Variants in SHANK2 observed in about 807,000 individuals in gnomAD.
SHANK2 encodes the protein SH3 and multiple ankyrin repeat domains 2.
A neutral mutation model predicts 133.7 loss-of-function variants in SHANK2; 43 were observed. That is an observed-to-expected ratio of 0.32 (90% CI 0.25 to 0.41). The LOEUF is 0.41. Among genes scored for constraint, SHANK2 ranks in the 10% least tolerant of loss-of-function variants. SHANK2 has a pLI of 1.00. For missense variants in SHANK2, 1,994 were observed against 2,235.8 expected (o/e 0.89, Z 2.18); for synonymous variants, 1,017 against 952.8 (o/e 1.07, Z -1.24).
At chr11:70,764,918 C>T (rs2135005797) in intron 14 of SHANK2, among the ~76,000 whole-genome samples, 1 of 152,358 alleles carries the variant, frequency 6.6e-6, no homozygotes, top group Non-Finnish European at 1.5e-5. Context: ...AGGGCAGGCA[C>T]TGATGAATCA....
At chr11:70,767,884 T>C (rs1591826809) in intron 14 of SHANK2, among the ~76,000 whole-genome samples, 1 of 152,352 alleles carries the variant, frequency 6.6e-6, no homozygotes, top group South Asian at 2.1e-4. Context: ...AATGGTCTGC[T>C]GGGGCTCAGA....
intron 17 of SHANK2, chr11:70,654,006 C>T (rs2061372865): frequency 6.6e-6 from 1 of 152,204 alleles, no homozygotes; most frequent in African/African-American, 2.4e-5. Context: ...TAAATACAAA[C>T]CACGAGTATA....
chr11:70,785,325 G>A (rs574673448), intron 14 of SHANK2, among the ~76,000 whole-genome samples: 1 of 152,300 alleles, frequency 6.6e-6, no homozygotes, highest in South Asian at 2.1e-4. Flanking sequence ...TGACCCGAGG[G>A]GGAGGGGCCC....
At chr11:71,249,110 G>T (rs1948134392) in intron 1 of SHANK2, among the ~76,000 whole-genome samples, 1 of 152,128 alleles carries the variant, frequency 6.6e-6, no homozygotes, top group Admixed American at 6.5e-5. Flanking sequence ...AGTCACAAAG[G>T]TCACTTAGCC....
intron 2 of SHANK2, among the ~76,000 whole-genome samples, chr11:71,163,071 TA>T (rs1159852026): frequency 0.055 from 2,494 of 45,562 alleles, 53 homozygotes; most frequent in African/African-American, 0.07. Context: ...AGACTCTGTC[TA>T]AAAAAAAAAA....
At chr11:71,126,684 CA>C (rs1952194430) in intron 3 of SHANK2, among the ~76,000 whole-genome samples, 1 of 150,238 alleles carries the variant, frequency 6.7e-6, no homozygotes, top group African/African-American at 2.5e-5. Context: ...GAAATGTCAA[CA>C]TTAAGTTCGG....
chr11:70,847,867 G>A (rs1278110928), intron 11 of SHANK2, among the ~76,000 whole-genome samples: 1 of 152,242 alleles, frequency 6.6e-6, no homozygotes, highest in Admixed American at 6.5e-5. Context: ...GGGGGGCAGG[G>A]CTTGGAGACG....
intron 17 of SHANK2, among the ~76,000 whole-genome samples, chr11:70,507,117 T>C (rs2059146597): frequency 6.6e-6 from 1 of 152,238 alleles, no homozygotes; most frequent in Non-Finnish European, 1.5e-5. Context: ...CCCACTTGCA[T>C]GCGGCATCCT....
chr11:70,747,359 G>A (rs1173862943), intron 14 of SHANK2, among the ~76,000 whole-genome samples: 18 of 152,174 alleles, frequency 1.2e-4, no homozygotes, highest in African/African-American at 2.4e-4. Context: ...CTGGCTACCC[G>A]GAGAACACAG....
chr11:70,692,405 G>T (rs1251916393), intron 15 of SHANK2, among the ~76,000 whole-genome samples: 1 of 152,204 alleles, frequency 6.6e-6, no homozygotes, highest in Non-Finnish European at 1.5e-5. Context: ...AGAATGAGTT[G>T]GAAGCAGCTC....
intron 17 of SHANK2, among the ~76,000 whole-genome samples, chr11:70,639,424 G>A (rs1314972655): frequency 2.6e-5 from 4 of 152,088 alleles, no homozygotes; most frequent in Non-Finnish European, 5.9e-5. Flanking sequence ...GGGGCAAAGG[G>A]GCTCTCTGGG....
At chr11:70,573,206 C>T (rs1473974403) in intron 17 of SHANK2, among the ~76,000 whole-genome samples, 3 of 146,408 alleles carry the variant, frequency 2.0e-5, no homozygotes, top group Non-Finnish European at 3.0e-5. Context: ...TGTGACGGAG[C>T]TGGGCGGTCA....
intron 11 of SHANK2, among the ~76,000 whole-genome samples, chr11:70,890,449 G>A (rs1228395393): frequency 2.0e-5 from 3 of 151,096 alleles, no homozygotes; most frequent in African/African-American, 4.9e-5. Context: ...GATCAAACTG[G>A]CGAACATGGT....
At chr11:70,876,223 A>AAT (rs1268400782) in intron 11 of SHANK2, among the ~76,000 whole-genome samples, 2 of 26,700 alleles carry the variant, frequency 7.5e-5, no homozygotes, top group Middle Eastern at 0.019. Context: ...GTATATACAT[A>AAT]ATACACACAC....
chr11:70,700,678 T>A (rs1000414455), intron 14 of SHANK2, among the ~76,000 whole-genome samples: 1 of 152,094 alleles, frequency 6.6e-6, no homozygotes, highest in Non-Finnish European at 1.5e-5. Flanking sequence ...ATTCCAATCA[T>A]CATTTATGAA....
intron 10 of SHANK2, among the ~76,000 whole-genome samples, chr11:70,919,889 CAT>C (rs1428912652): frequency 5.9e-5 from 9 of 152,210 alleles, no homozygotes; most frequent in African/African-American, 1.9e-4. Flanking sequence ...CCTCCGGGCT[CAT>C]TCCATGGATG....
At chr11:70,531,369 TC>T (rs1554973184) in intron 17 of SHANK2, among the ~76,000 whole-genome samples, 1 of 152,128 alleles carries the variant, frequency 6.6e-6, no homozygotes, top group Admixed American at 6.5e-5. Context: ...TCTTGGAGGA[TC>T]AAATGCAAAT....
chr11:70,898,938 G>A (rs1203958503), intron 10 of SHANK2, among the ~76,000 whole-genome samples: 1 of 152,168 alleles, frequency 6.6e-6, no homozygotes, highest in Non-Finnish European at 1.5e-5. Flanking sequence ...GAAGACTATC[G>A]GACTTAATGG....
intron 11 of SHANK2, among the ~76,000 whole-genome samples, chr11:70,827,260 C>CTT (rs34414800): frequency 0.038 from 5,208 of 137,218 alleles, 134 homozygotes; most frequent in East Asian, 0.05. Context: ...CCCCCTCCTA[C>CTT]TTTTTTTTTT....
Sources: gnomAD v4.1 joint callset for allele counts (sites outside exome capture counted in the v4.1 genomes callset) on GRCh38, gnomAD v4.1.1 for gene constraint, MANE v1.5 for transcripts, NCBI Gene and HGNC (gene_info 2026-07-23, HGNC 2026-07-21) for gene names.